FRMPD2: variants seen among roughly 807,000 people sequenced by gnomAD.
The protein encoded by FRMPD2 is FERM and PDZ domain containing 2.
Under a neutral mutation model 140.1 loss-of-function variants are expected in FRMPD2, and 96 were observed. The ratio of observed to expected loss-of-function variants is 0.69; its 90% confidence interval spans 0.58 to 0.81. The LOEUF (loss-of-function observed/expected upper bound fraction) is 0.81, where lower values mean the gene tolerates loss of function less well. FRMPD2 is among the 40% of genes least tolerant of loss of function. The pLI, the probability that FRMPD2 is intolerant of heterozygous loss-of-function variation, is 0.00. For synonymous variants in FRMPD2, 449 were observed against 547.6 expected, an observed-to-expected ratio of 0.82 and a Z score of 2.52; for missense variants, 1,240 against 1,447.4, an observed-to-expected ratio of 0.86 and a Z score of 2.32.
At chr10:48,254,295 G>A (rs1037085886) in intron 1 of FRMPD2, among the ~76,000 whole-genome samples, 1 of 152,220 alleles carries the variant, frequency 6.6e-6, no homozygotes, top group Non-Finnish European at 1.5e-5. Flanking sequence ...TACAGTGTGG[G>A]TTATGAATAA....
Position 48,181,858 on chromosome 10 carries a change from C to CATATATATATATATATATATATATATAT in FRMPD2, c.2585-851_2585-850insATATATATATATATATATATATATATAT, listed in dbSNP as rs35165586. On this transcript the variant is annotated intron_variant, in intron 20 of 28. Coordinates refer to ENST00000374201, the MANE Select transcript of FRMPD2 (RefSeq NM_001018071.4). Reference sequence around the variant, plus strand: ...ATATATGAAAGAATATATATTCCCTCATATATATATATATATATATGGCTC... The same window carrying CATATATATATATATATATATATATATAT: ...ATATATGAAAGAATATATATTCCCTCATATATATATATATATATATATATATATATATATATATATATATATATGGCTC... Among the ~76,000 whole-genome samples the CATATATATATATATATATATATATATAT allele has an allele frequency of 8.8e-4, 70 of 79,738 alleles. 1 individual carries two copies. Among genetic ancestry groups the CATATATATATATATATATATATATATAT allele is most frequent in the East Asian group, 1.4e-3 (4 of 2,866 alleles). 52.3% of individuals were successfully genotyped at this position (79,738 alleles called of 152,430 possible). A position where few individuals can be genotyped will look rare whatever the true frequency, so the allele number is the denominator to read the frequency against.
chr10:48,255,801 C>T (rs1297442739), intron 1 of FRMPD2, among the ~76,000 whole-genome samples: 1 of 152,044 alleles, frequency 6.6e-6, no homozygotes, highest in Non-Finnish European at 1.5e-5. Flanking sequence ...GAAAAACTTC[C>T]CAGGTAGAGG....
intron 1 of FRMPD2, among the ~76,000 whole-genome samples, chr10:48,253,700 T>C (rs2131972324): frequency 6.6e-6 from 1 of 152,232 alleles, no homozygotes; most frequent in East Asian, 1.9e-4. Flanking sequence ...CGAGAAATCC[T>C]AATGGAGTCC....
chr10:48,200,189 T>TAAAAAAAA (rs1282575889), intron 15 of FRMPD2, among the ~76,000 whole-genome samples: 3 of 137,592 alleles, frequency 2.2e-5, no homozygotes, highest in Non-Finnish European at 4.8e-5. Flanking sequence ...AATAAATAAA[T>TAAAAAAAA]AAATAAATAA....
At chr10:48,184,453 G>A in intron 20 of FRMPD2, 113 bp downstream of exon 20, 1 of 680,514 alleles carries the variant, frequency 1.5e-6, no homozygotes, top group Non-Finnish European at 2.6e-6. Flanking sequence ...AACACCATGA[G>A]GAAAGCAATA....
intron 17 of FRMPD2, among the ~76,000 whole-genome samples, chr10:48,186,816 G>T (rs992811787): frequency 1.3e-5 from 2 of 152,198 alleles, no homozygotes; most frequent in Non-Finnish European, 2.9e-5. Context: ...AGGATGCATG[G>T]CTGAAGGGAC....
rs1761619200 is a variant in FRMPD2, at chr10:48,263,299, AAAT to A, written c.25+11241_25+11243del. Among the ~76,000 whole-genome samples the A allele has an allele frequency of 6.6e-5, 10 of 152,212 alleles. No individual in the cohort carries two copies. The South Asian group carries it at 2.1e-3, about 31-fold the overall frequency. On this transcript the variant is annotated intron_variant, in intron 1 of 28. Coordinates refer to ENST00000374201, the MANE Select transcript of FRMPD2 (RefSeq NM_001018071.4). The stretch of plus-strand genomic sequence containing the variant: ...AGCATGAACCTGAATAAAAGAAAGC[AAAT>A]AATAACAAATTAGAACAGAAATCAA...
chr10:48,255,253 CT>C (rs1192348764), intron 1 of FRMPD2, among the ~76,000 whole-genome samples: 2 of 152,178 alleles, frequency 1.3e-5, no homozygotes, highest in Non-Finnish European at 2.9e-5. Flanking sequence ...CCAGAAGCTT[CT>C]TTGGGCCCTT....
Position 48,242,264 on chromosome 10 carries a change from A to G in FRMPD2, c.464T>C (p.Leu155Pro), listed in dbSNP as rs199854945. 4.7e-5 allele frequency: 76 copies of G among 1,614,184 alleles called. No individual in the cohort carries two copies. In the Admixed American group the frequency reaches 5.5e-4, roughly 12 times the overall value. ...PHRRCTLQSV[L>P]EACRVHEKEV... ...TTTCTCATGAACCCGACAAGCTTCCAGAACCGACTGCAACGTGCACCGCCT... is the reference window on the plus strand; with the variant it reads ...TTTCTCATGAACCCGACAAGCTTCCGGAACCGACTGCAACGTGCACCGCCT... The change falls in exon 5 of 29, where the codon CTG becomes CCG. Residue 155 changes from leucine (L) to proline (P), a missense_variant. Transcript: ENST00000374201.
At chr10:48,227,575 G>A (rs981791395) in intron 10 of FRMPD2, among the ~76,000 whole-genome samples, 1 of 152,108 alleles carries the variant, frequency 6.6e-6, no homozygotes, top group Admixed American at 6.6e-5. Context: ...CATTTTTCAC[G>A]CTCTTTTTGT....
chr10:48,226,567 C>G (rs1338865519), intron 10 of FRMPD2, among the ~76,000 whole-genome samples: 1 of 152,186 alleles, frequency 6.6e-6, no homozygotes, highest in African/African-American at 2.4e-5. Context: ...GCCACTTTGA[C>G]CCTTGTGTTA....
intron 12 of FRMPD2, among the ~76,000 whole-genome samples, chr10:48,218,169 G>A (rs780244262): frequency 2.0e-5 from 3 of 152,036 alleles, no homozygotes; most frequent in Non-Finnish European, 4.4e-5. Context: ...TCTTATAAGG[G>A]CACCAGTCAG....
chr10:48,188,712 GAGGTGGCCTTC>G (rs980601317), intron 16 of FRMPD2, among the ~76,000 whole-genome samples: 31 of 152,342 alleles, frequency 2.0e-4, no homozygotes, highest in African/African-American at 7.5e-4. Context: ...CGATGATGCT[GAGGTGGCCTTC>G]AGGTGGCCTT....
intron 7 of FRMPD2, among the ~76,000 whole-genome samples, chr10:48,239,010 G>C (rs1390581433): frequency 6.7e-6 from 1 of 150,162 alleles, no homozygotes; most frequent in Non-Finnish European, 1.5e-5. Flanking sequence ...CTGTCTCTCT[G>C]TCTCTCTCTC....
intron 16 of FRMPD2, among the ~76,000 whole-genome samples, chr10:48,188,174 A>C (rs1384327690): frequency 6.6e-6 from 1 of 152,122 alleles, no homozygotes; most frequent in Non-Finnish European, 1.5e-5. Flanking sequence ...TCAGAGCCCC[A>C]CAGCAATCTC....
intron 12 of FRMPD2, among the ~76,000 whole-genome samples, chr10:48,213,343 A>T (rs1443481367): frequency 3.3e-5 from 5 of 152,372 alleles, no homozygotes; most frequent in South Asian, 2.1e-4. Flanking sequence ...GCTGGTGAGG[A>T]TGTGGAACAA....
intron 5 of FRMPD2, chr10:48,241,937 G>T (rs747797378): frequency 8.9e-6 from 3 of 338,934 alleles, no homozygotes; most frequent in Non-Finnish European, 1.6e-5. Flanking sequence ...GTCTTTGTTA[G>T]CACTGCCCAA....
rs188239651 is a variant in FRMPD2, at chr10:48,171,295, A to T, written c.3224-87T>A. 1.1e-3 allele frequency: 753 copies of T among 698,512 alleles called. 8 individuals are homozygous for T. The African/African-American group carries it at 0.012, about 11-fold the overall frequency. The allele number at this position is 698,512 out of a possible 1,614,324, so 43.3% of individuals were successfully genotyped here. A position where few individuals can be genotyped will look rare whatever the true frequency, so the allele number is the denominator to read the frequency against. On this transcript the variant is annotated intron_variant, in intron 25 of 28. Coordinates refer to ENST00000374201, the MANE Select transcript of FRMPD2 (RefSeq NM_001018071.4). ...TCTCAAAATGCAAATTGTCAAGTAG[A>T]TGAATTATTTCTTTTACGTTCAAAT...
intron 9 of FRMPD2, among the ~76,000 whole-genome samples, chr10:48,233,065 T>C (rs1162226189): frequency 6.6e-6 from 1 of 152,214 alleles, no homozygotes; most frequent in African/African-American, 2.4e-5. Flanking sequence ...TCTGTGGCTC[T>C]TCCTGAGTAT....
Sources: gnomAD v4.1 joint callset for allele counts (sites outside exome capture counted in the v4.1 genomes callset) on GRCh38, gnomAD v4.1.1 for gene constraint, MANE v1.5 for transcripts, NCBI Gene and HGNC (gene_info 2026-07-23, HGNC 2026-07-21) for gene names.